The following ALDH1L1 variants were observed in gnomAD, a reference collection of about 807,000 sequenced individuals.
ALDH1L1 encodes aldehyde dehydrogenase 1 family member L1.
In ALDH1L1, 68 loss-of-function variants were observed where a neutral mutation model predicts 101.1. The observed-to-expected ratio is 0.67, with a 90% CI of 0.55 to 0.82. ALDH1L1 has a LOEUF of 0.82. Among genes scored for constraint, ALDH1L1 ranks in the 40% least tolerant of loss-of-function variants. The pLI is 0.00. For missense variants in ALDH1L1, 1,087 were observed against 1,172.7 expected, an observed-to-expected ratio of 0.93 and a Z score of 1.07; for synonymous variants, 486 against 470.8, an observed-to-expected ratio of 1.03 and a Z score of -0.42.
rs1401326992 is a variant in ALDH1L1 at position 126,158,516 on chromosome 3, G to A, written c.251C>T (p.Pro84Leu). The change falls in exon 3 of 23, where the codon CCC becomes CTC. Residue 84 changes from proline to leucine, a missense_variant. Physicochemically the swap from Pro to Leu is moderately conservative, Grantham distance 98. Transcript: ENST00000393434. The part of the protein sequence containing the change: ...QALGAELNVL[P>L]FCSQFIPMEI... ...CATGGGGATGAATTGGCTGCAGAAG[G>A]GCAGGACGTTGAGCTCGGCCCCCAA... is the stretch of plus-strand genomic sequence containing the variant. The A allele has an allele frequency of 6.2e-7, 1 of 1,614,086 alleles. No homozygotes were observed. The highest frequency in any genetic ancestry group is 8.5e-7 in the Non-Finnish European group (1 of 1,180,026).
Position 126,150,545 on chromosome 3 carries a change from G to A in ALDH1L1, c.859-14C>T, listed in dbSNP as rs761133769. The A allele has an allele frequency of 5.8e-6, 9 of 1,548,482 alleles. No individual in the cohort carries two copies. In the African/African-American group the frequency reaches 1.1e-4, roughly 19 times the overall value. On this transcript the variant is annotated splice_polypyrimidine_tract_variant and intron_variant, in intron 7 of 22. Coordinates refer to ENST00000393434, the MANE Select transcript of ALDH1L1 (RefSeq NM_012190.4). ...CTTCACCAGCAGCTGCAAAAGGAAG[G>A]ATTTCTTTTCTTTTCTTTTCTTTTT...
intron 15 of ALDH1L1, 150 bp downstream of exon 15, chr3:126,125,466 G>C (rs2080162462): frequency 2.0e-6 from 1 of 489,982 alleles, no homozygotes; most frequent in South Asian, 7.9e-5. Context: ...CCCACTGAGA[G>C]TGGGGCCCAT....
chr3:126,178,246 T>G (rs1310071069), intron 1 of ALDH1L1, among the ~76,000 whole-genome samples: 2 of 150,748 alleles, frequency 1.3e-5, no homozygotes, highest in Admixed American at 6.6e-5. Flanking sequence ...CCAGGCGTGG[T>G]TGTGCATGCC....
chr3:126,119,573 C>G, intron 16 of ALDH1L1, among the ~76,000 whole-genome samples: 1 of 152,302 alleles, frequency 6.6e-6, no homozygotes. Context: ...TGCCCAGGCA[C>G]GCCCATGAAG....
At chr3:126,129,975 A>AT (rs1184277508) in intron 14 of ALDH1L1, 4 of 338,724 alleles carry the variant, frequency 1.2e-5, no homozygotes. Flanking sequence ...CATTTTGGAC[A>AT]TTTTTTGGGT....
rs989076577 is a variant in ALDH1L1 at position 126,106,076 on chromosome 3, G to A, written c.2454-151C>T. ...GCAGCGCCGGGGGCAAGATTGGGTT[G>A]GGTTGGGCTGCGAGCGAGGAGGAAG... On this transcript the variant is annotated intron_variant, in intron 21 of 22. Transcript: ENST00000393434. The A allele has an allele frequency of 1.7e-5, 14 of 811,854 alleles. No homozygotes were observed. The East Asian group carries it at 3.8e-4, about 22-fold the overall frequency. The allele number at this position is 811,854 out of a possible 1,614,324, so 50.3% of individuals were successfully genotyped here.
At chr3:126,117,239 GAA>G (rs199514703) in intron 17 of ALDH1L1, among the ~76,000 whole-genome samples, 3 of 125,406 alleles carry the variant, frequency 2.4e-5, no homozygotes, top group African/African-American at 8.5e-5. Flanking sequence ...AGACTCCATT[GAA>G]AAAAAAAAAA....
chr3:126,118,118 G>C lies in ALDH1L1; in HGVS notation c.1889-20C>G. ...GGGAGCCTGTGGGCGGGAGGGAGGGGGGAATCAGAGTGGTCCCCCTGGTGC... is the reference window on the plus strand; with the variant it reads ...GGGAGCCTGTGGGCGGGAGGGAGGGCGGAATCAGAGTGGTCCCCCTGGTGC... On this transcript the variant is annotated intron_variant, in intron 16 of 22. Transcript: ENST00000393434. 1 of 1,595,172 alleles carries C rather than the reference G, an allele frequency of 6.3e-7. No individual in the cohort carries two copies. The highest frequency in any genetic ancestry group is 1.3e-5 in the African/African-American group (1 of 74,648).
chr3:126,131,259 A>G (rs4646732), intron 13 of ALDH1L1, 125 bp downstream of exon 13: 771,925 of 1,247,488 alleles, frequency 0.62, 241,508 homozygotes, highest in Middle Eastern at 0.66. Flanking sequence ...AACAGGTGTC[A>G]TTCCAAGCCA....
intron 14 of ALDH1L1, among the ~76,000 whole-genome samples, chr3:126,127,583 C>T (rs2080215880): frequency 6.6e-6 from 1 of 152,168 alleles, no homozygotes; most frequent in Non-Finnish European, 1.5e-5. Flanking sequence ...ATGCTTGGCT[C>T]ACTAGGGAGC....
At chr3:126,177,448 C>T (rs2081382490) in intron 1 of ALDH1L1, among the ~76,000 whole-genome samples, 1 of 152,098 alleles carries the variant, frequency 6.6e-6, no homozygotes, top group South Asian at 2.1e-4. Flanking sequence ...GCGAAAGAAG[C>T]CAGTCTGGAA....
chr3:126,179,022 T>G (rs551870799), intron 1 of ALDH1L1, among the ~76,000 whole-genome samples: 1 of 151,980 alleles, frequency 6.6e-6, no homozygotes, highest in South Asian at 2.1e-4. Flanking sequence ...GTTGTCACAG[T>G]CCAGGGAAAG....
intron 12 of ALDH1L1, chr3:126,135,251 G>A (rs998082745): frequency 2.7e-5 from 8 of 296,800 alleles, no homozygotes; most frequent in Admixed American, 1.2e-4. Context: ...CGCCCACTTT[G>A]GAAGCATCCC....
chr3:126,146,913 C>T lies in ALDH1L1; in HGVS notation c.998G>A (p.Arg333Gln), dbSNP rs149806671. 7.0e-4 allele frequency: 1,136 copies of T among 1,613,810 alleles called. 14 individuals are homozygous for T. Among genetic ancestry groups the T allele is most frequent in the Middle Eastern group, 2.0e-3 (12 of 6,056 alleles). ...AACCTCCAGGACTTTGGGGAGGATCCGCTGCCAAACACTCTGCAAAGCAAG... is the reference window on the plus strand; with the variant it reads ...AACCTCCAGGACTTTGGGGAGGATCTGCTGCCAAACACTCTGCAAAGCAAG... The part of the protein sequence containing the change: ...TAEAVRSVWQ[R>Q]ILPKVLEVED... Residue 333 changes from arginine to glutamine, a missense_variant, in exon 9 of 23, where the codon CGG (arginine) becomes CAG (glutamine). This residue lies in a region of ALDH1L1 where 645 missense variants were observed against 637.0 expected (regional missense o/e 1.01). Coordinates refer to ENST00000393434, the MANE Select transcript of ALDH1L1 (RefSeq NM_012190.4).
intron 17 of ALDH1L1, among the ~76,000 whole-genome samples, chr3:126,116,203 A>G (rs1411809129): frequency 6.6e-6 from 1 of 151,936 alleles, no homozygotes; most frequent in Non-Finnish European, 1.5e-5. Flanking sequence ...TTTTTTAAAT[A>G]AAATGTTCAA....
intron 1 of ALDH1L1, among the ~76,000 whole-genome samples, chr3:126,187,029 G>C (rs1349930803): frequency 6.6e-6 from 1 of 152,150 alleles, no homozygotes; most frequent in African/African-American, 2.4e-5. Flanking sequence ...GGGCTGCTCA[G>C]GGGGAGCGGG....
chr3:126,125,772 A>G, intron 14 of ALDH1L1, 51 bp from the exon 15 acceptor site: 1 of 1,325,176 alleles, frequency 7.5e-7, no homozygotes, highest in South Asian at 1.7e-5. Flanking sequence ...CCAGGCCCAC[A>G]GTGGACCTGC....
intron 1 of ALDH1L1, among the ~76,000 whole-genome samples, chr3:126,196,610 A>G (rs958023944): frequency 5.9e-5 from 9 of 152,258 alleles, no homozygotes; most frequent in African/African-American, 2.2e-4. Flanking sequence ...GATGAAACCA[A>G]CAAAGCTCAA....
rs758769034 is a variant in ALDH1L1 at position 126,155,500 on chromosome 3, G to A, written c.532C>T (p.Gln178Ter). 2.5e-6 allele frequency: 4 copies of A among 1,608,528 alleles called. No homozygotes were observed. The African/African-American group carries it at 4.0e-5, about 16-fold the overall frequency. The change falls in exon 5 of 23, where the codon CAG becomes TAG. Residue 178 changes from glutamine (Q) to a stop codon, truncating the protein, a stop_gained. Coordinates refer to ENST00000393434, the MANE Select transcript of ALDH1L1 (RefSeq NM_012190.4). LOFTEE classifies it high-confidence loss of function. ...CCCTCAGCGATCAGCCTCACGGCCTGCACCTGGGGAGATCCAGTGGGTTGC... is the reference window on the plus strand; with the variant it reads ...CCCTCAGCGATCAGCCTCACGGCCTACACCTGGGGAGATCCAGTGGGTTGC... ...LFPEGIKGMV[Q>*]AVRLIAEGKA...
Sources: allele counts gnomAD v4.1 joint callset (sites outside exome capture counted in the v4.1 genomes callset), GRCh38; gene constraint gnomAD v4.1.1; regional missense constraint gnomAD v4.1.1; transcripts MANE v1.5; gene names NCBI Gene and HGNC (gene_info 2026-07-23, HGNC 2026-07-21).